EPB41L2: variants seen among roughly 807,000 people sequenced by gnomAD.
EPB41L2 encodes the protein erythrocyte membrane protein band 4.1 like 2.
Under a neutral mutation model 113.0 loss-of-function variants are expected in EPB41L2, and 43 were observed. The ratio of observed to expected loss-of-function variants is 0.38; its 90% CI spans 0.30 to 0.49. EPB41L2 has a LOEUF of 0.49. EPB41L2 is among the 20% of genes least tolerant of loss of function. EPB41L2 has a pLI of 0.95. For missense variants in EPB41L2, 1,147 were observed against 1,223.4 expected (o/e 0.94, Z 0.93); for synonymous variants, 442 against 436.7 (o/e 1.01, Z -0.15).
chr6:130,843,963 G>C (rs1197870692), intron 19 of EPB41L2, among the ~76,000 whole-genome samples: 1 of 152,144 alleles, frequency 6.6e-6, no homozygotes, highest in Non-Finnish European at 1.5e-5. Context: ...TGCCCGAAAA[G>C]CACAATCTTT....
In EPB41L2 at chr6:130,955,191, C is replaced by T. The variant is rs781226765; in HGVS notation, c.619G>A (p.Ala207Thr). ...VQTNELKAEK[A>T]SQKVTKKTKT... is the part of the protein sequence containing the mutation. ...GTCTTCTTGGTGACTTTTTGAGATGCCTTCTCTGCTTTCAGCTCATTGGTC... is the reference window on the plus strand; with the variant it reads ...GTCTTCTTGGTGACTTTTTGAGATGTCTTCTCTGCTTTCAGCTCATTGGTC... The change falls in exon 3 of 20, where the codon GCA becomes ACA. Residue 207 changes from alanine (A) to threonine (T), a missense_variant. Physicochemically the swap from Ala to Thr is moderately conservative, Grantham distance 58. Coordinates refer to ENST00000337057, the MANE Select transcript of EPB41L2 (RefSeq NM_001431.4). The T allele has an allele frequency of 2.5e-6, 4 of 1,614,008 alleles. No individual in the cohort carries two copies. The highest frequency in any genetic ancestry group is 2.2e-5 in the East Asian group (1 of 44,886).
intron 1 of EPB41L2, among the ~76,000 whole-genome samples, chr6:131,057,050 C>A (rs946486320): frequency 1.3e-5 from 2 of 151,632 alleles, no homozygotes; most frequent in African/African-American, 4.8e-5. Context: ...ATGAAAAGTG[C>A]AATAGGGTGA....
At chr6:130,894,481 A>C in intron 9 of EPB41L2, 40 bp from the exon 10 acceptor site, 1 of 1,555,474 alleles carries the variant, frequency 6.4e-7, no homozygotes, top group Non-Finnish European at 8.9e-7. Flanking sequence ...TATTTCCTTA[A>C]GAACTGACTA....
chr6:130,972,614 C>A (rs1048562668), intron 1 of EPB41L2, among the ~76,000 whole-genome samples: 2 of 151,674 alleles, frequency 1.3e-5, no homozygotes, highest in Non-Finnish European at 2.9e-5. Context: ...TATAAGTGCA[C>A]TTGTGCATTT....
chr6:130,880,604 T>C, intron 12 of EPB41L2: 1 of 514,034 alleles, frequency 1.9e-6, no homozygotes, highest in Admixed American at 3.6e-5. Flanking sequence ...TACCAACCTT[T>C]ACTGTGAGGC....
intron 19 of EPB41L2, among the ~76,000 whole-genome samples, chr6:130,844,665 A>T (rs1414883636): frequency 6.6e-6 from 1 of 152,238 alleles, no homozygotes; most frequent in Non-Finnish European, 1.5e-5. Context: ...GTTATTTCAA[A>T]TGCTGAACTT....
chr6:130,842,639 A>AACC (rs1208166335), intron 19 of EPB41L2, among the ~76,000 whole-genome samples: 1 of 152,120 alleles, frequency 6.6e-6, no homozygotes, highest in African/African-American at 2.4e-5. Context: ...ATGTCACTTT[A>AACC]TTGCTTTGCA....
chr6:131,035,650 T>C (rs1352583844), intron 1 of EPB41L2, among the ~76,000 whole-genome samples: 1 of 152,194 alleles, frequency 6.6e-6, no homozygotes, highest in African/African-American at 2.4e-5. Context: ...ATACAGGGTA[T>C]TGAGTCCAGT....
At chr6:130,875,887 A>G (rs1787385658) in intron 14 of EPB41L2, among the ~76,000 whole-genome samples, 1 of 152,010 alleles carries the variant, frequency 6.6e-6, no homozygotes, top group African/African-American at 2.4e-5. Context: ...AATCCCAGCT[A>G]AACAGGAAAG....
chr6:130,968,616 A>G (rs1177932678), intron 1 of EPB41L2, among the ~76,000 whole-genome samples: 1 of 152,182 alleles, frequency 6.6e-6, no homozygotes, highest in South Asian at 2.1e-4. Context: ...GGTGCCAGAG[A>G]GTATCCAAAT....
intron 1 of EPB41L2, among the ~76,000 whole-genome samples, chr6:131,012,951 A>G (rs995201398): frequency 2.6e-5 from 4 of 152,190 alleles, no homozygotes; most frequent in African/African-American, 9.7e-5. Flanking sequence ...AATAGTAACT[A>G]TTTTGTATTA....
rs956518902 is a variant in EPB41L2 at position 131,016,851 on chromosome 6, A to C, written c.-15+46304T>G. Among the ~76,000 whole-genome samples, 70 of 151,920 alleles carry C rather than the reference A, an allele frequency of 4.6e-4. 1 individual carries two copies. The highest frequency in any genetic ancestry group is 7.7e-4 in the Non-Finnish European group (52 of 67,956). On this transcript the variant is annotated intron_variant, in intron 1 of 19. Coordinates refer to ENST00000337057, the MANE Select transcript of EPB41L2 (RefSeq NM_001431.4). ...AAAGCACTACTATATTCGCACACAA[A>C]AAAAAAACCTGGCAATAAATTAGTA...
At chr6:130,998,178 A>G (rs1452620077) in intron 1 of EPB41L2, among the ~76,000 whole-genome samples, 1 of 152,228 alleles carries the variant, frequency 6.6e-6, no homozygotes, top group African/African-American at 2.4e-5. Context: ...AGCATCAGAC[A>G]GATCTGAGTT....
At chr6:130,979,544 C>G (rs1294583724) in intron 1 of EPB41L2, among the ~76,000 whole-genome samples, 1 of 149,416 alleles carries the variant, frequency 6.7e-6, no homozygotes, top group African/African-American at 2.5e-5. Flanking sequence ...TTCCAGGGAT[C>G]CAGGAGACTA....
chr6:131,058,342 C>T (rs1797997056), intron 1 of EPB41L2, among the ~76,000 whole-genome samples: 1 of 151,930 alleles, frequency 6.6e-6, no homozygotes, highest in African/African-American at 2.4e-5. Flanking sequence ...TAATACTATC[C>T]CAACACCATG....
intron 3 of EPB41L2, among the ~76,000 whole-genome samples, chr6:130,951,803 T>A (rs1436565404): frequency 6.6e-6 from 1 of 151,724 alleles, no homozygotes; most frequent in Non-Finnish European, 1.5e-5. Context: ...GTTAAAGTAA[T>A]ATATACCACT....
chr6:130,888,544 T>C (rs910731790), intron 11 of EPB41L2, among the ~76,000 whole-genome samples: 2 of 152,188 alleles, frequency 1.3e-5, no homozygotes, highest in Admixed American at 1.3e-4. Flanking sequence ...AACTTTGCAA[T>C]ATAAGAGTTA....
chr6:131,018,791 T>C (rs1788810727), intron 1 of EPB41L2, among the ~76,000 whole-genome samples: 1 of 152,208 alleles, frequency 6.6e-6, no homozygotes, highest in Non-Finnish European at 1.5e-5. Flanking sequence ...TTTAATAGTT[T>C]ACCTTTCCCT....
At chr6:130,908,490 G>A (rs113946603) in intron 5 of EPB41L2, among the ~76,000 whole-genome samples, 9 of 152,248 alleles carry the variant, frequency 5.9e-5, no homozygotes, top group African/African-American at 2.2e-4. Flanking sequence ...CAAAGCAATA[G>A]TATCAGGTCT....
Sources: allele counts gnomAD v4.1 joint callset (sites outside exome capture counted in the v4.1 genomes callset), GRCh38; gene constraint gnomAD v4.1.1; transcripts MANE v1.5; gene names NCBI Gene and HGNC (gene_info 2026-07-23, HGNC 2026-07-21).